Variants in U2AF1 observed in about 807,000 individuals in gnomAD.
U2AF1 encodes the protein U2 small nuclear RNA auxiliary factor 1, also known as splicing factor U2AF 35 kDa subunit.
For synonymous variants in U2AF1, 8 were observed against 27.2 expected (o/e 0.29, Z 2.20); for missense variants, 4 against 75.9 (o/e 0.05, Z 3.52).
In U2AF1 at chr21:43,095,687, C is replaced by T. The variant is rs1984282816; in HGVS notation, c.249+7G>A. 1 of 459,924 alleles carries T rather than the reference C, an allele frequency of 2.2e-6. No individual in the cohort carries two copies. 28.5% of individuals were successfully genotyped at this position (459,924 alleles called of 1,614,324 possible). On this transcript the variant is annotated splice_region_variant and intron_variant, in intron 4 of 7. Transcript: ENST00000291552. ...GGTCTATCAGTCACAGAGTTCAGTTCTCTCACCTCAAAAAACTCATCATAG... is the reference window on the plus strand; with the variant it reads ...GGTCTATCAGTCACAGAGTTCAGTTTTCTCACCTCAAAAAACTCATCATAG...
rs1020047325 is a variant in U2AF1 at position 43,097,948 on chromosome 21, C to T, written c.200-2205G>A. ...TTTTGAACTTCCAGGAATCTGCTTT[C>T]GAACCCAAATTTTATTAAGTGTAAC... On this transcript the variant is annotated intron_variant, in intron 3 of 7. Transcript: ENST00000291552. 18 of 109,116 alleles carry T rather than the reference C, an allele frequency of 1.6e-4. 5 individuals carry two copies. The highest frequency in any genetic ancestry group is 6.6e-4 in the African/African-American group (17 of 25,792). The allele number at this position is 109,116 out of a possible 1,614,324, so 6.8% of individuals were successfully genotyped here.
intron 3 of U2AF1, chr21:43,095,972 G>GT: frequency 1.9e-5 from 1 of 51,518 alleles, no homozygotes. Flanking sequence ...GGCTACTAAG[G>GT]TGTTAAAATC....
At chr21:43,094,871 G>T (rs1984232213) in intron 5 of U2AF1, 83 bp from the exon 6 acceptor site, 2 of 920,328 alleles carry the variant, frequency 2.2e-6, no homozygotes, top group Non-Finnish European at 3.1e-6. Flanking sequence ...ATCAGAGAGA[G>T]ATATACACAC....
chr21:43,100,048 C>T (rs1417197977), intron 3 of U2AF1: 1 of 15,146 alleles, frequency 6.6e-5, no homozygotes, highest in Non-Finnish European at 1.1e-4. Flanking sequence ...CTCAGCCTCC[C>T]TAGAAGCTGG....
At chr21:43,100,017 C>T (rs768737711) in intron 3 of U2AF1, 1 of 29,006 alleles carries the variant, frequency 3.4e-5, no homozygotes, top group Non-Finnish European at 6.3e-5. Flanking sequence ...CTCCGCCTCC[C>T]GGGTTCAAGC....
chr21:43,095,870 CAGGA>C, intron 3 of U2AF1, 127 bp from the exon 4 acceptor site: 1 of 254,248 alleles, frequency 3.9e-6, no homozygotes, highest in Non-Finnish European at 7.1e-6. Flanking sequence ...CTGCACTCTG[CAGGA>C]GCACTCAGGA....
intron 1 of U2AF1, among the ~76,000 whole-genome samples, chr21:43,107,161 G>A (rs1984831365): frequency 8.8e-6 from 1 of 113,458 alleles, no homozygotes; most frequent in East Asian, 2.0e-4. Flanking sequence ...AGGCCCGGAC[G>A]TCGGGCGATC....
At chr21:43,100,020 G>A (rs1378041267) in intron 3 of U2AF1, 1 of 27,796 alleles carries the variant, frequency 3.6e-5, no homozygotes, top group Non-Finnish European at 6.4e-5. Context: ...CGCCTCCCGG[G>A]TTCAAGCGAT....
Position 43,095,794 on chromosome 21 carries a change from CTT to C in U2AF1, c.200-53_200-52del, listed in dbSNP as rs757643182. ...TTAGAACATGTTAACCGAGTGAACTCTTGTGTTTAAACTCAAACTGCTACAGT... is the reference window on the plus strand; with the variant it reads ...TTAGAACATGTTAACCGAGTGAACTCGTGTTTAAACTCAAACTGCTACAGT... On this transcript the variant is annotated intron_variant, in intron 3 of 7. Coordinates refer to ENST00000291552, the MANE Select transcript of U2AF1 (RefSeq NM_006758.3). 1.6e-5 allele frequency: 6 copies of C among 371,530 alleles called. 1 individual carries two copies. Among genetic ancestry groups the C allele is most frequent in the Admixed American group, 6.6e-5 (1 of 15,150 alleles). The allele number at this position is 371,530 out of a possible 1,614,324, so 23.0% of individuals were successfully genotyped here.
chr21:43,095,424 G>A lies in U2AF1; in HGVS notation c.348+14C>T, dbSNP rs148331256. 486 of 919,582 alleles carry A rather than the reference G, an allele frequency of 5.3e-4. 127 individuals carry two copies. Among genetic ancestry groups the A allele is most frequent in the Non-Finnish European group, 6.0e-4 (370 of 616,098 alleles). The allele number at this position is 919,582 out of a possible 1,614,324, so 57.0% of individuals were successfully genotyped here. A position where few individuals can be genotyped will look rare whatever the true frequency, so the allele number is the denominator to read the frequency against. ...CACTAAGCGGCCACGCCGCCGTCTC[G>A]CCCTGGCTCCTACCTTGACGTACAC... On this transcript the variant is annotated intron_variant, in intron 5 of 7. Coordinates refer to ENST00000291552, the MANE Select transcript of U2AF1 (RefSeq NM_006758.3).
chr21:43,094,865 G>A (rs1191397247), intron 5 of U2AF1, 77 bp from the exon 6 acceptor site: 2 of 1,006,984 alleles, frequency 2.0e-6, no homozygotes, highest in Non-Finnish European at 2.8e-6. Context: ...AAGTATATCA[G>A]AGAGAGATAT....
Position 43,106,998 on chromosome 21 carries a change from G to A in U2AF1, c.44+453C>T, listed in dbSNP as rs767482703. Reference sequence around the variant, plus strand: ...ACGCTTAGGACCCTAAGTTAGATAAGCGACTGAATACTGGCGAGGCTGGTA... The same window carrying A: ...ACGCTTAGGACCCTAAGTTAGATAAACGACTGAATACTGGCGAGGCTGGTA... On this transcript the variant is annotated intron_variant, in intron 1 of 7. Coordinates refer to ENST00000291552, the MANE Select transcript of U2AF1 (RefSeq NM_006758.3). 5.3e-5 allele frequency among the ~76,000 whole-genome samples: 3 copies of A among 56,624 alleles called. 1 individual carries two copies. The highest frequency in any genetic ancestry group is 1.0e-4 in the Non-Finnish European group (3 of 28,880). The allele number at this position is 56,624 out of a possible 152,430, so 37.1% of individuals were successfully genotyped here. A position where few individuals can be genotyped will look rare whatever the true frequency, so the allele number is the denominator to read the frequency against.
At chr21:43,095,565 T>A in intron 4 of U2AF1, 29 bp from the exon 5 acceptor site, 1 of 1,033,530 alleles carries the variant, frequency 9.7e-7, no homozygotes, top group Non-Finnish European at 1.4e-6. Flanking sequence ...GGTTTAAGAC[T>A]CGTTATACAT....
intron 5 of U2AF1, 146 bp from the exon 6 acceptor site, chr21:43,094,934 T>A: frequency 2.8e-6 from 1 of 351,756 alleles, no homozygotes; most frequent in South Asian, 3.8e-5. Context: ...AATCCTTTAT[T>A]TTCAATGAGA....
rs748832990 is a variant in U2AF1 at position 43,095,427 on chromosome 21, C to T, written c.348+11G>A. 4.3e-6 allele frequency: 4 copies of T among 921,802 alleles called. 1 individual carries two copies. The South Asian group carries it at 5.8e-5, about 13-fold the overall frequency. The allele number at this position is 921,802 out of a possible 1,614,324, so 57.1% of individuals were successfully genotyped here. Reference sequence around the variant, plus strand: ...TAAGCGGCCACGCCGCCGTCTCGCCCTGGCTCCTACCTTGACGTACACGTT... The same window carrying T: ...TAAGCGGCCACGCCGCCGTCTCGCCTTGGCTCCTACCTTGACGTACACGTT... On this transcript the variant is annotated intron_variant, in intron 5 of 7. Coordinates refer to ENST00000291552, the MANE Select transcript of U2AF1 (RefSeq NM_006758.3).
Position 43,107,131 on chromosome 21 carries a change from T to G in U2AF1, c.44+320A>C, listed in dbSNP as rs1984828386. 3.6e-5 allele frequency among the ~76,000 whole-genome samples: 4 copies of G among 111,602 alleles called. 1 individual carries two copies. 73.2% of individuals were successfully genotyped at this position (111,602 alleles called of 152,430 possible). On this transcript the variant is annotated intron_variant, in intron 1 of 7. Coordinates refer to ENST00000291552, the MANE Select transcript of U2AF1 (RefSeq NM_006758.3). Reference sequence around the variant, plus strand: ...ACTTTCAGCGCGGCTCGAGGCGGCTTCCGGGAGTCGGCGACTCGGAGGCCC... The same window carrying G: ...ACTTTCAGCGCGGCTCGAGGCGGCTGCCGGGAGTCGGCGACTCGGAGGCCC...
In U2AF1 at chr21:43,095,244, G is replaced by A. The variant is rs1316509215; in HGVS notation, c.348+194C>T. 4.1e-5 allele frequency: 18 copies of A among 435,616 alleles called. 7 individuals are homozygous for A. Among genetic ancestry groups the A allele is most frequent in the Non-Finnish European group, 7.3e-5 (18 of 246,012 alleles). 27.0% of individuals were successfully genotyped at this position (435,616 alleles called of 1,614,324 possible). A position where few individuals can be genotyped will look rare whatever the true frequency, so the allele number is the denominator to read the frequency against. On this transcript the variant is annotated intron_variant, in intron 5 of 7. Coordinates refer to ENST00000291552, the MANE Select transcript of U2AF1 (RefSeq NM_006758.3). ...GCCACATATGACGCAGCTGGTAGGCGCCGAGCCAGTGCACCTGAGCCCTGC... is the reference window on the plus strand; with the variant it reads ...GCCACATATGACGCAGCTGGTAGGCACCGAGCCAGTGCACCTGAGCCCTGC...
At chr21:43,097,542 C>G (rs2146459245) in intron 3 of U2AF1, 1 of 69,044 alleles carries the variant, frequency 1.4e-5, no homozygotes, top group South Asian at 3.9e-4. Context: ...ATTGGGCCGG[C>G]TGCCTTAGCC....
At chr21:43,106,958 G>A (rs890898965) in intron 1 of U2AF1, among the ~76,000 whole-genome samples, 1 of 44,510 alleles carries the variant, frequency 2.2e-5, no homozygotes, top group Non-Finnish European at 4.4e-5. Context: ...GGCTGGCTAA[G>A]TGGATAAAAC....
Sources: gnomAD v4.1 joint callset for allele counts (sites outside exome capture counted in the v4.1 genomes callset) on GRCh38, gnomAD v4.1.1 for gene constraint, MANE v1.5 for transcripts, NCBI Gene and HGNC (gene_info 2026-07-23, HGNC 2026-07-21) for gene names.